The following COG5 variants were observed in gnomAD, a reference collection of about 807,000 sequenced individuals.
COG5 encodes the protein component of oligomeric golgi complex 5.
In COG5, 86 loss-of-function variants were observed where a neutral mutation model predicts 110.4. That is an observed-to-expected ratio of 0.78 (90% CI 0.65 to 0.93). COG5 has a LOEUF of 0.93. Among genes scored for constraint, COG5 ranks in the 40% least tolerant of loss-of-function variants. The pLI is 0.00. For synonymous variants in COG5, 360 were observed against 334.6 expected, an observed-to-expected ratio of 1.08 and a Z score of -0.83; for missense variants, 1,077 against 987.0, an observed-to-expected ratio of 1.09 and a Z score of -1.22.
chr7:107,471,062 A>T (rs533128740), intron 6 of COG5, among the ~76,000 whole-genome samples: 12 of 152,034 alleles, frequency 7.9e-5, no homozygotes, highest in Non-Finnish European at 1.6e-4. Flanking sequence ...ATTGTTCATC[A>T]TCTCTGAAAA....
intron 6 of COG5, among the ~76,000 whole-genome samples, chr7:107,497,953 T>C (rs955037384): frequency 2.6e-5 from 4 of 151,886 alleles, no homozygotes; most frequent in Admixed American, 6.6e-5. Flanking sequence ...ACTGATGCAA[T>C]AGAGTAGAGA....
rs186144999 is a variant in COG5, at chr7:107,381,513, G to A, written c.670-8753C>T. ...GAAACCATAGAGATAACCAAACTTCGTCAATTGTGTTTGAACTGTACCCTG... is the reference window on the plus strand; with the variant it reads ...GAAACCATAGAGATAACCAAACTTCATCAATTGTGTTTGAACTGTACCCTG... On this transcript the variant is annotated intron_variant, in intron 7 of 21. Coordinates refer to ENST00000297135, the MANE Select transcript of COG5 (RefSeq NM_006348.5). Among the ~76,000 whole-genome samples the A allele has an allele frequency of 2.8e-3, 424 of 152,198 alleles. 3 individuals carry two copies. The highest frequency in any genetic ancestry group is 9.8e-3 in the African/African-American group (405 of 41,530).
At chr7:107,318,263 T>C (rs961518478) in intron 11 of COG5, among the ~76,000 whole-genome samples, 1 of 152,150 alleles carries the variant, frequency 6.6e-6, no homozygotes, top group Non-Finnish European at 1.5e-5. Context: ...CCTGACCTTA[T>C]GATCTGCCCA....
At chr7:107,406,371 A>G (rs1160068613) in intron 7 of COG5, among the ~76,000 whole-genome samples, 1 of 152,216 alleles carries the variant, frequency 6.6e-6, no homozygotes, top group East Asian at 1.9e-4. Flanking sequence ...CCACTGGTTA[A>G]ATAACAACAG....
intron 7 of COG5, among the ~76,000 whole-genome samples, chr7:107,401,874 A>G (rs183577603): frequency 6.6e-6 from 1 of 152,344 alleles, no homozygotes; most frequent in East Asian, 1.9e-4. Flanking sequence ...CAGAACTACT[A>G]TCGCAAACTA....
At chr7:107,413,829 T>C (rs144082145) in intron 6 of COG5, among the ~76,000 whole-genome samples, 212 of 152,288 alleles carry the variant, frequency 1.4e-3, no homozygotes, top group African/African-American at 4.6e-3. Flanking sequence ...ATTACTTTAA[T>C]GCATCTGTTA....
chr7:107,354,581 C>G (rs561553532), intron 10 of COG5, among the ~76,000 whole-genome samples: 1 of 152,270 alleles, frequency 6.6e-6, no homozygotes, highest in Non-Finnish European at 1.5e-5. Context: ...GAAGCTGAGG[C>G]AGGAGAATCG....
chr7:107,477,518 T>C (rs567493266), intron 6 of COG5, among the ~76,000 whole-genome samples: 3 of 151,944 alleles, frequency 2.0e-5, no homozygotes, highest in Non-Finnish European at 3.0e-5. Context: ...AAATATTATA[T>C]TGCCCTTTAA....
At chr7:107,444,172 T>C (rs1794876352) in intron 6 of COG5, among the ~76,000 whole-genome samples, 1 of 152,196 alleles carries the variant, frequency 6.6e-6, no homozygotes, top group Admixed American at 6.5e-5. Flanking sequence ...TCTATGTCCC[T>C]CTCAGTTCTA....
chr7:107,241,398 A>G (rs1399977591), intron 17 of COG5, among the ~76,000 whole-genome samples: 1 of 148,638 alleles, frequency 6.7e-6, no homozygotes, highest in African/African-American at 2.5e-5. Context: ...TGCTTCATAT[A>G]TATATATATA....
chr7:107,378,106 T>G (rs991246671), intron 7 of COG5, among the ~76,000 whole-genome samples: 1 of 152,226 alleles, frequency 6.6e-6, no homozygotes, highest in Admixed American at 6.5e-5. Flanking sequence ...CTGCAACCTC[T>G]GCTGGTGATA....
intron 6 of COG5, among the ~76,000 whole-genome samples, chr7:107,484,820 T>G (rs1797560521): frequency 6.6e-6 from 1 of 152,242 alleles, no homozygotes; most frequent in Admixed American, 6.5e-5. Flanking sequence ...CCTCTGCAAC[T>G]CTGGTTTAAT....
At chr7:107,497,757 C>T (rs1276378544) in intron 6 of COG5, among the ~76,000 whole-genome samples, 1 of 152,008 alleles carries the variant, frequency 6.6e-6, no homozygotes, top group Non-Finnish European at 1.5e-5. Context: ...CTATCTAAAT[C>T]CCAATGTCAT....
At chr7:107,537,574 C>T (rs545176079) in intron 5 of COG5, among the ~76,000 whole-genome samples, 2 of 152,058 alleles carry the variant, frequency 1.3e-5, no homozygotes, top group South Asian at 4.2e-4. Flanking sequence ...ATATCACACA[C>T]CAGGGCCTGT....
At chr7:107,374,793 A>T (rs544527566) in intron 7 of COG5, among the ~76,000 whole-genome samples, 47 of 152,152 alleles carry the variant, frequency 3.1e-4, no homozygotes, top group African/African-American at 1.1e-3. Context: ...GTCAATTAAC[A>T]TGTTCACTTT....
chr7:107,508,728 C>G (rs190470239), intron 6 of COG5, among the ~76,000 whole-genome samples: 34 of 152,308 alleles, frequency 2.2e-4, no homozygotes, highest in African/African-American at 7.9e-4. Context: ...TCACCAACAT[C>G]CACTGTTCTA....
At chr7:107,437,252 GC>G (rs1186988081) in intron 6 of COG5, among the ~76,000 whole-genome samples, 1 of 152,128 alleles carries the variant, frequency 6.6e-6, no homozygotes, top group African/African-American at 2.4e-5. Context: ...GTCACCAAGT[GC>G]CCTTTCCTCT....
intron 12 of COG5, among the ~76,000 whole-genome samples, chr7:107,286,004 T>C (rs1198951697): frequency 6.6e-6 from 1 of 152,038 alleles, no homozygotes; most frequent in Non-Finnish European, 1.5e-5. Context: ...GCAAGGAAGA[T>C]AGAGAATAAT....
At chr7:107,435,632 G>A (rs761370963) in intron 6 of COG5, among the ~76,000 whole-genome samples, 46 of 151,978 alleles carry the variant, frequency 3.0e-4, no homozygotes, top group African/African-American at 8.2e-4. Flanking sequence ...CAGCCTGGGC[G>A]ACAGACACTT....
Sources: allele counts gnomAD v4.1 joint callset (sites outside exome capture counted in the v4.1 genomes callset), GRCh38; gene constraint gnomAD v4.1.1; transcripts MANE v1.5; gene names NCBI Gene and HGNC (gene_info 2026-07-23, HGNC 2026-07-21).